The following RPGRIP1L variants were observed in gnomAD, a reference collection of about 807,000 sequenced individuals.
RPGRIP1L encodes the protein RPGRIP1 like, also known as protein fantom.
RPGRIP1L carries 131 observed loss-of-function variants against 160.4 expected under a neutral mutation model. The ratio of observed to expected loss-of-function variants is 0.82; its 90% confidence interval spans 0.71 to 0.94. The LOEUF (loss-of-function observed/expected upper bound fraction) is 0.94, where lower values mean the gene tolerates loss of function less well. Ranked by LOEUF, RPGRIP1L falls within the 40% of genes least tolerant of loss-of-function variation. The pLI, the probability that RPGRIP1L is intolerant of heterozygous loss-of-function variation, is 0.00. For missense variants in RPGRIP1L, 1,522 were observed against 1,535.8 expected, an observed-to-expected ratio of 0.99 and a Z score of 0.15; for synonymous variants, 510 against 515.8, an observed-to-expected ratio of 0.99 and a Z score of 0.15.
At position 53,599,462 on chromosome 16, in the gene RPGRIP1L, A is replaced by G. The variant is rs1319433695; in HGVS notation, c.*2614T>C. 1.3e-5 allele frequency: 2 copies of G among 152,212 alleles called. No homozygotes were observed. Among genetic ancestry groups the G allele is most frequent in the Non-Finnish European group, 2.9e-5 (2 of 68,036 alleles). 9.4% of individuals were successfully genotyped at this position (152,212 alleles called of 1,614,324 possible). On this transcript the variant is annotated 3_prime_UTR_variant, in exon 27 of 27. Coordinates refer to ENST00000647211, the MANE Select transcript of RPGRIP1L (RefSeq NM_015272.5). ...ATTTGACATTTCTACTACAGTAGGC[A>G]AAAATACATGTAAAATACACTCTCC...
Position 53,672,994 on chromosome 16 carries a change from C to T in RPGRIP1L, c.905G>A (p.Ser302Asn). 6.2e-7 allele frequency: 1 copy of T among 1,613,120 alleles called. No homozygotes were observed. Among genetic ancestry groups the T allele is most frequent in the African/African-American group, 1.3e-5 (1 of 75,016 alleles). Residue 302 changes from serine to asparagine, a missense_variant, in exon 8 of 27, where the codon AGC becomes AAC. Transcript: ENST00000647211. ...LQEKQRTLRI[S>N]HDALMANGDE... ...CCCATTTGCCATCAAAGCATCGTGG[C>T]TGATTCTGAGAGTTCTTTGCTTCTA... is the stretch of plus-strand genomic sequence containing the variant.
At chr16:53,670,174 T>A (rs1207393668) in intron 9 of RPGRIP1L, among the ~76,000 whole-genome samples, 1 of 152,182 alleles carries the variant, frequency 6.6e-6, no homozygotes, top group Non-Finnish European at 1.5e-5. Context: ...ATAATGCCTA[T>A]GTTAATTTAG....
chr16:53,653,007 G>A lies in RPGRIP1L; in HGVS notation c.1700-20C>T, dbSNP rs1966919208. ...ATTGGGCTGCAAGAGAAGACACACAGTTTAGAGATTTCAAAATATTGACAT... is the reference window on the plus strand; with the variant it reads ...ATTGGGCTGCAAGAGAAGACACACAATTTAGAGATTTCAAAATATTGACAT... On this transcript the variant is annotated intron_variant, in intron 14 of 26. Transcript: ENST00000647211. 6.3e-7 allele frequency: 1 copy of A among 1,586,170 alleles called. No homozygotes were observed. The highest frequency in any genetic ancestry group is 8.6e-7 in the Non-Finnish European group (1 of 1,157,074).
intron 16 of RPGRIP1L, among the ~76,000 whole-genome samples, chr16:53,648,626 G>GCACACACACACACACACACA (rs113624342): frequency 3.5e-5 from 5 of 143,988 alleles, no homozygotes; most frequent in Non-Finnish European, 7.5e-5. Context: ...GCGCGCGCGC[G>GCACACACACACACACACACA]CACACACACA....
At position 53,600,053 on chromosome 16, in the gene RPGRIP1L, A is replaced by G. The variant is rs1336756855; in HGVS notation, c.*2023T>C. Reference sequence around the variant, plus strand: ...AAAAACTTTTCCTTTCCACTTAATGATCCTAAGAAGTCAGTGCAATCTGGT... The same window carrying G: ...AAAAACTTTTCCTTTCCACTTAATGGTCCTAAGAAGTCAGTGCAATCTGGT... On this transcript the variant is annotated 3_prime_UTR_variant, in exon 27 of 27. Transcript: ENST00000647211. The G allele has an allele frequency of 6.6e-6, 1 of 152,280 alleles. No homozygotes were observed. Among genetic ancestry groups the G allele is most frequent in the Non-Finnish European group, 1.5e-5 (1 of 68,028 alleles). The allele number at this position is 152,280 out of a possible 1,614,324, so 9.4% of individuals were successfully genotyped here.
At chr16:53,611,814 T>A (rs1964059703) in intron 24 of RPGRIP1L, among the ~76,000 whole-genome samples, 1 of 152,236 alleles carries the variant, frequency 6.6e-6, no homozygotes, top group South Asian at 2.1e-4. Context: ...TTGTTCTCAG[T>A]TCGGCAGACT....
At chr16:53,653,068 G>T in intron 14 of RPGRIP1L, 81 bp from the exon 15 acceptor site, 2 of 1,141,918 alleles carry the variant, frequency 1.8e-6, no homozygotes, top group South Asian at 1.3e-5. Context: ...GTGTAAGAAT[G>T]AGTACTTCTG....
At chr16:53,658,671 A>G (rs1004881148) in intron 11 of RPGRIP1L, 101 bp downstream of exon 11, 1 of 882,070 alleles carries the variant, frequency 1.1e-6, no homozygotes, top group African/African-American at 1.7e-5. Flanking sequence ...AGTAATTAAT[A>G]TATCTGTATG....
chr16:53,632,620 C>A (rs111462578), intron 22 of RPGRIP1L, among the ~76,000 whole-genome samples: 4 of 152,126 alleles, frequency 2.6e-5, no homozygotes, highest in African/African-American at 9.7e-5. Context: ...GAGGCCTCAA[C>A]GCTCTGGATT....
chr16:53,636,331 T>C, intron 22 of RPGRIP1L, 108 bp downstream of exon 22: 1 of 823,812 alleles, frequency 1.2e-6, no homozygotes, highest in East Asian at 2.6e-5. Flanking sequence ...TTAAAGTTTT[T>C]CCAGAAATAG....
intron 18 of RPGRIP1L, 73 bp downstream of exon 18, chr16:53,641,212 T>C: frequency 6.7e-7 from 1 of 1,496,436 alleles, no homozygotes; most frequent in Non-Finnish European, 9.2e-7. Context: ...TTGGTGGGGG[T>C]GGCAGCTTAG....
At chr16:53,649,223 G>A (rs542344774) in intron 15 of RPGRIP1L, 108 bp from the exon 16 acceptor site, 1 of 899,398 alleles carries the variant, frequency 1.1e-6, no homozygotes, top group African/African-American at 1.6e-5. Flanking sequence ...ATTTTATGCT[G>A]AGTAAAATAA....
At chr16:53,626,111 C>A (rs562869000) in intron 22 of RPGRIP1L, among the ~76,000 whole-genome samples, 1 of 143,872 alleles carries the variant, frequency 7.0e-6, no homozygotes, top group Non-Finnish European at 1.5e-5. Context: ...AAATCCCCCT[C>A]TCCGAGAAAC....
intron 11 of RPGRIP1L, 76 bp from the exon 12 acceptor site, chr16:53,658,540 T>C: frequency 8.3e-7 from 1 of 1,207,252 alleles, no homozygotes; most frequent in Non-Finnish European, 1.2e-6. Context: ...ATTCAAATTA[T>C]CCCCATGAAA....
chr16:53,649,828 C>A (rs1406645492), intron 15 of RPGRIP1L, among the ~76,000 whole-genome samples: 1 of 152,288 alleles, frequency 6.6e-6, no homozygotes, highest in South Asian at 2.1e-4. Context: ...TGTTTACCAG[C>A]CTATTTCTCT....
In RPGRIP1L at chr16:53,602,118, G is replaced by T; in HGVS notation, c.3906C>A (p.Leu1302=). The change falls in exon 27 of 27, where the codon CTC becomes CTA. Residue 1302 remains leucine (L), a synonymous_variant. Coordinates refer to ENST00000647211, the MANE Select transcript of RPGRIP1L (RefSeq NM_015272.5). ...LRVTVEALHA[L]QSVYKQYRDD... ...CTCTGTATTGCTTGTAGACAGACTGGAGGGCATGGAGAGCTTCGACTGTTA... is the reference window on the plus strand; with the variant it reads ...CTCTGTATTGCTTGTAGACAGACTGTAGGGCATGGAGAGCTTCGACTGTTA... 6.2e-7 allele frequency: 1 copy of T among 1,613,878 alleles called. No homozygotes were observed. The highest frequency in any genetic ancestry group is 8.5e-7 in the Non-Finnish European group (1 of 1,179,852).
At chr16:53,648,414 C>G (rs1966708873) in intron 16 of RPGRIP1L, among the ~76,000 whole-genome samples, 1 of 152,064 alleles carries the variant, frequency 6.6e-6, no homozygotes, top group Admixed American at 6.5e-5. Context: ...ATTTCCTTAA[C>G]AGTAGAAATT....
intron 6 of RPGRIP1L, among the ~76,000 whole-genome samples, chr16:53,685,691 A>G (rs1969953205): frequency 1.3e-5 from 2 of 151,100 alleles, no homozygotes; most frequent in Admixed American, 1.3e-4. Flanking sequence ...GGAACAACAC[A>G]CACTGGGGCC....
intron 6 of RPGRIP1L, among the ~76,000 whole-genome samples, chr16:53,678,108 G>A (rs1969323327): frequency 6.6e-6 from 1 of 150,964 alleles, no homozygotes. Flanking sequence ...GAATGATTAA[G>A]TTGGAAAATG....
Sources: gnomAD v4.1 joint callset for allele counts (sites outside exome capture counted in the v4.1 genomes callset) on GRCh38, gnomAD v4.1.1 for gene constraint, MANE v1.5 for transcripts, NCBI Gene and HGNC (gene_info 2026-07-23, HGNC 2026-07-21) for gene names.